CLEC11A: variants seen among roughly 807,000 people sequenced by gnomAD.
CLEC11A encodes C-type lectin domain containing 11A, also known as C-type lectin domain family 11 member A.
In CLEC11A, 35 loss-of-function variants were observed where a neutral mutation model predicts 33.9. The observed-to-expected ratio is 1.03, with a 90% CI of 0.79 to 1.37. The LOEUF is 1.37. Ranked by LOEUF, CLEC11A falls within the 40% of genes most tolerant of loss-of-function variation. The pLI is 0.00. For synonymous variants in CLEC11A, 220 were observed against 202.2 expected (o/e 1.09, Z -0.75); for missense variants, 519 against 455.5 (o/e 1.14, Z -1.27).
rs752036565 is a variant in CLEC11A, at chr19:50,724,569, G to A, written c.494G>A (p.Gly165Asp). 3.3e-4 allele frequency: 473 copies of A among 1,455,316 alleles called. 4 individuals are homozygous for A. The Middle Eastern group carries it at 7.6e-3, about 23-fold the overall frequency. 90.2% of individuals were successfully genotyped at this position (1,455,316 alleles called of 1,614,324 possible). A position where few individuals can be genotyped will look rare whatever the true frequency, so the allele number is the denominator to read the frequency against. The part of the protein sequence containing the change: ...DAVQALQEAQ[G>D]RAEREHGRLE... Reference sequence around the variant, plus strand: ...GTGCAAGCCCTGCAGGAGGCGCAGGGTCGCGCCGAGCGCGAGCACGGCCGC... The same window carrying A: ...GTGCAAGCCCTGCAGGAGGCGCAGGATCGCGCCGAGCGCGAGCACGGCCGC... Residue 165 changes from glycine to aspartate, a missense_variant, in exon 3 of 4, where the codon GGT (glycine) becomes GAT (aspartate). Coordinates refer to ENST00000250340, the MANE Select transcript of CLEC11A (RefSeq NM_002975.3). The surrounding 1 kb of genome is among the most constrained non-coding windows in gnomAD (Gnocchi z 4.1).
In CLEC11A at chr19:50,725,577, C is replaced by T; in HGVS notation, c.*110C>T. The T allele has an allele frequency of 6.9e-7, 1 of 1,444,718 alleles. No homozygotes were observed. The highest frequency in any genetic ancestry group is 9.1e-7 in the Non-Finnish European group (1 of 1,095,648). The allele number at this position is 1,444,718 out of a possible 1,614,324, so 89.5% of individuals were successfully genotyped here. A position where few individuals can be genotyped will look rare whatever the true frequency, so the allele number is the denominator to read the frequency against. On this transcript the variant is annotated 3_prime_UTR_variant, in exon 4 of 4. Transcript: ENST00000250340. ...CCTTCCTGGCCACGAATGGCAGCGT[C>T]CTCCCCGACCCCCAGTCTGGGCGCT...
chr19:50,724,311 C>G lies in CLEC11A; in HGVS notation c.335-99C>G, dbSNP rs1431659334. Reference sequence around the variant, plus strand: ...GTCCGGGGTGCCCCCCCCACCGCCACCCCGCCCTCAGGAGCCCTAGATCCC... The same window carrying G: ...GTCCGGGGTGCCCCCCCCACCGCCAGCCCGCCCTCAGGAGCCCTAGATCCC... On this transcript the variant is annotated intron_variant, in intron 2 of 3. Transcript: ENST00000250340. This position sits in a 1 kb window ranked among gnomAD's most constrained non-coding sequence, Gnocchi z 4.1. 4 of 1,126,092 alleles carry G rather than the reference C, an allele frequency of 3.6e-6. No individual in the cohort carries two copies. Among genetic ancestry groups the G allele is most frequent in the Middle Eastern group, 6.0e-4 (2 of 3,332 alleles). The allele number at this position is 1,126,092 out of a possible 1,614,324, so 69.8% of individuals were successfully genotyped here.
chr19:50,725,106 G>A lies in CLEC11A; in HGVS notation c.611G>A (p.Cys204Tyr). ...FEAQAAAQAR[C>Y]TARGGSLAQP... Reference sequence around the variant, plus strand: ...GCTCAGGCGGCGGCGCAGGCGCGGTGCACGGCGCGGGGCGGGAGCCTGGCG... The same window carrying A: ...GCTCAGGCGGCGGCGCAGGCGCGGTACACGGCGCGGGGCGGGAGCCTGGCG... The change falls in exon 4 of 4, where the codon TGC (cysteine) becomes TAC (tyrosine). Residue 204 changes from cysteine to tyrosine, a missense_variant. Cys to Tyr is a radical substitution (Grantham distance 194). Coordinates refer to ENST00000250340, the MANE Select transcript of CLEC11A (RefSeq NM_002975.3). The A allele has an allele frequency of 6.5e-7, 1 of 1,533,474 alleles. No individual in the cohort carries two copies. Among genetic ancestry groups the A allele is most frequent in the Non-Finnish European group, 8.8e-7 (1 of 1,141,416 alleles). The allele number at this position is 1,533,474 out of a possible 1,614,324, so 95.0% of individuals were successfully genotyped here. A position where few individuals can be genotyped will look rare whatever the true frequency, so the allele number is the denominator to read the frequency against.
chr19:50,724,321 A>G lies in CLEC11A; in HGVS notation c.335-89A>G, dbSNP rs1186342252. The G allele has an allele frequency of 1.7e-5, 16 of 955,696 alleles. No individual in the cohort carries two copies. The highest frequency in any genetic ancestry group is 3.9e-5 in the African/African-American group (2 of 51,618). The allele number at this position is 955,696 out of a possible 1,614,324, so 59.2% of individuals were successfully genotyped here. On this transcript the variant is annotated intron_variant, in intron 2 of 3. Transcript: ENST00000250340. The surrounding 1 kb of genome is among the most constrained non-coding windows in gnomAD (Gnocchi z 4.1). ...CCCCCCCCACCGCCACCCCGCCCTC[A>G]GGAGCCCTAGATCCCAGTTCTCCAG... is the stretch of plus-strand genomic sequence containing the variant.
chr19:50,724,263 C>T lies in CLEC11A; in HGVS notation c.335-147C>T. The T allele has an allele frequency of 1.6e-6, 2 of 1,247,330 alleles. No individual in the cohort carries two copies. Among genetic ancestry groups the T allele is most frequent in the Non-Finnish European group, 2.2e-6 (2 of 919,724 alleles). The allele number at this position is 1,247,330 out of a possible 1,614,324, so 77.3% of individuals were successfully genotyped here. On this transcript the variant is annotated intron_variant, in intron 2 of 3. Coordinates refer to ENST00000250340, the MANE Select transcript of CLEC11A (RefSeq NM_002975.3). This position sits in a 1 kb window ranked among gnomAD's most constrained non-coding sequence, Gnocchi z 4.1. ...CGGCCATGCCTCCTAAAGGCCTGGGCCACTCGACCCTACCTTCCAGGAGTC... is the reference window on the plus strand; with the variant it reads ...CGGCCATGCCTCCTAAAGGCCTGGGTCACTCGACCCTACCTTCCAGGAGTC...
In CLEC11A at chr19:50,724,630, A is replaced by T; in HGVS notation, c.526+29A>T. Reference sequence around the variant, plus strand: ...AGTCCGCGGCGCGCGGGGTGGAAAAAAATGAGACTATCTGGGCCAGGAATG... The same window carrying T: ...AGTCCGCGGCGCGCGGGGTGGAAAATAATGAGACTATCTGGGCCAGGAATG... On this transcript the variant is annotated intron_variant, in intron 3 of 3. Transcript: ENST00000250340. The surrounding 1 kb of genome is among the most constrained non-coding windows in gnomAD (Gnocchi z 4.1). 1 of 1,385,898 alleles carries T rather than the reference A, an allele frequency of 7.2e-7. No individual in the cohort carries two copies. The highest frequency in any genetic ancestry group is 9.3e-7 in the Non-Finnish European group (1 of 1,073,772). 85.9% of individuals were successfully genotyped at this position (1,385,898 alleles called of 1,614,324 possible).
In CLEC11A at chr19:50,723,594, G is replaced by C; in HGVS notation, c.69G>C (p.Arg23=). The C allele has an allele frequency of 2.5e-6, 4 of 1,612,020 alleles. No homozygotes were observed. Among genetic ancestry groups the C allele is most frequent in the Non-Finnish European group, 3.4e-6 (4 of 1,179,806 alleles). ...PQLLGFGHGA[R]GAEREWEGGW... ...TCTTGGGCTTTGGCCATGGGGCTCG[G>C]GGAGCAGAGAGGGAGTGGGAGGGAG... Residue 23 remains arginine, a synonymous_variant, in exon 1 of 4, where the codon CGG becomes CGC. Coordinates refer to ENST00000250340, the MANE Select transcript of CLEC11A (RefSeq NM_002975.3). The surrounding 1 kb of genome is among the most constrained non-coding windows in gnomAD (Gnocchi z 4.1).
At position 50,724,890 on chromosome 19, in the gene CLEC11A, C is replaced by G. The variant is rs559574334; in HGVS notation, c.527-132C>G. The G allele has an allele frequency of 2.1e-4, 293 of 1,409,436 alleles. No individual in the cohort carries two copies. The Middle Eastern group carries it at 2.5e-3, about 12-fold the overall frequency. 87.3% of individuals were successfully genotyped at this position (1,409,436 alleles called of 1,614,324 possible). A position where few individuals can be genotyped will look rare whatever the true frequency, so the allele number is the denominator to read the frequency against. ...CACCTCCTGGCTCCCGCGGTTCTGA[C>G]CACGCCTCCTCCCAGCCCTCCCCAT... On this transcript the variant is annotated intron_variant, in intron 3 of 3. Coordinates refer to ENST00000250340, the MANE Select transcript of CLEC11A (RefSeq NM_002975.3). This position sits in a 1 kb window ranked among gnomAD's most constrained non-coding sequence, Gnocchi z 4.1.
rs2089170205 is a variant in CLEC11A at position 50,724,745 on chromosome 19, A to C, written c.526+144A>C. 5 of 1,184,454 alleles carry C rather than the reference A, an allele frequency of 4.2e-6. No individual in the cohort carries two copies. In the East Asian group the frequency reaches 1.5e-4, roughly 35 times the overall value. 73.4% of individuals were successfully genotyped at this position (1,184,454 alleles called of 1,614,324 possible). On this transcript the variant is annotated intron_variant, in intron 3 of 3. Transcript: ENST00000250340. This position sits in a 1 kb window ranked among gnomAD's most constrained non-coding sequence, Gnocchi z 4.1. The stretch of plus-strand genomic sequence containing the variant: ...TAGCGGACGGGGTTAGAGAGCTGGG[A>C]GGCTGAATGCAGGGAGCGGGTGGGC...
Position 50,723,428 on chromosome 19 carries a change from T to G in CLEC11A, c.-98T>G. 2.3e-6 allele frequency: 3 copies of G among 1,313,690 alleles called. No homozygotes were observed. The highest frequency in any genetic ancestry group is 3.2e-6 in the Non-Finnish European group (3 of 923,766). The allele number at this position is 1,313,690 out of a possible 1,614,324, so 81.4% of individuals were successfully genotyped here. A position where few individuals can be genotyped will look rare whatever the true frequency, so the allele number is the denominator to read the frequency against. ...ATCGGGAACCTGGGGGCTAGTGACC[T>G]GCACACAGGGCAGGGGCACTCGGCA... On this transcript the variant is annotated 5_prime_UTR_variant, in exon 1 of 4. Coordinates refer to ENST00000250340, the MANE Select transcript of CLEC11A (RefSeq NM_002975.3). The surrounding 1 kb of genome is among the most constrained non-coding windows in gnomAD (Gnocchi z 4.1).
rs750066271 is a variant in CLEC11A, at chr19:50,725,475, G to A, written c.*8G>A. The A allele has an allele frequency of 1.3e-6, 2 of 1,581,188 alleles. No homozygotes were observed. Among genetic ancestry groups the A allele is most frequent in the Non-Finnish European group, 1.7e-6 (2 of 1,160,886 alleles). Reference sequence around the variant, plus strand: ...TGCGAGTTCCCCTTCTAGCGGGGCCGGTACCCCGCCTCCCTGCCCATCCCA... The same window carrying A: ...TGCGAGTTCCCCTTCTAGCGGGGCCAGTACCCCGCCTCCCTGCCCATCCCA... On this transcript the variant is annotated 3_prime_UTR_variant, in exon 4 of 4. Transcript: ENST00000250340.
chr19:50,724,737 G>C lies in CLEC11A; in HGVS notation c.526+136G>C, dbSNP rs536734273. The stretch of plus-strand genomic sequence containing the variant: ...CTGTGTGCTAGCGGACGGGGTTAGA[G>C]AGCTGGGAGGCTGAATGCAGGGAGC... On this transcript the variant is annotated intron_variant, in intron 3 of 3. Transcript: ENST00000250340. The surrounding 1 kb of genome is among the most constrained non-coding windows in gnomAD (Gnocchi z 4.1). The C allele has an allele frequency of 9.5e-5, 114 of 1,198,432 alleles. No homozygotes were observed. The South Asian group carries it at 1.9e-3, about 20-fold the overall frequency. The allele number at this position is 1,198,432 out of a possible 1,614,324, so 74.2% of individuals were successfully genotyped here.
chr19:50,724,907 C>A lies in CLEC11A; in HGVS notation c.527-115C>A, dbSNP rs1271604600. The A allele has an allele frequency of 3.6e-5, 51 of 1,413,692 alleles. No individual in the cohort carries two copies. Among genetic ancestry groups the A allele is most frequent in the Non-Finnish European group, 4.6e-5 (50 of 1,090,102 alleles). 87.6% of individuals were successfully genotyped at this position (1,413,692 alleles called of 1,614,324 possible). Reference sequence around the variant, plus strand: ...GGTTCTGACCACGCCTCCTCCCAGCCCTCCCCATGAGTTCCTGGCCCCGCC... The same window carrying A: ...GGTTCTGACCACGCCTCCTCCCAGCACTCCCCATGAGTTCCTGGCCCCGCC... On this transcript the variant is annotated intron_variant, in intron 3 of 3. Transcript: ENST00000250340. The surrounding 1 kb of genome is among the most constrained non-coding windows in gnomAD (Gnocchi z 4.1).
rs1166577096 is a variant in CLEC11A at position 50,723,569 on chromosome 19, T to C, written c.44T>C (p.Leu15Pro). Residue 15 changes from leucine to proline, a missense_variant, in exon 1 of 4, where the codon CTC becomes CCC. By Grantham distance (98) the Leu-to-Pro change is moderately conservative. Coordinates refer to ENST00000250340, the MANE Select transcript of CLEC11A (RefSeq NM_002975.3). The surrounding 1 kb of genome is among the most constrained non-coding windows in gnomAD (Gnocchi z 4.1). ...TTGGGGGCTTTGGTGGTCCCCCAGC[T>C]CTTGGGCTTTGGCCATGGGGCTCGG... ...WLLGALVVPQ[L>P]LGFGHGARGA... The C allele has an allele frequency of 6.2e-7, 1 of 1,612,188 alleles. No homozygotes were observed. Among genetic ancestry groups the C allele is most frequent in the Non-Finnish European group, 8.5e-7 (1 of 1,179,964 alleles).
At position 50,724,487 on chromosome 19, in the gene CLEC11A, G is replaced by A. The variant is rs756249408; in HGVS notation, c.412G>A (p.Glu138Lys). ...RLHALDTRVV[E>K]LTQGLRQLRN... Reference sequence around the variant, plus strand: ...GCACGCGTTGGACACCCGCGTGGTCGAGCTGACCCAGGGGCTGCGGCAGCT... The same window carrying A: ...GCACGCGTTGGACACCCGCGTGGTCAAGCTGACCCAGGGGCTGCGGCAGCT... Residue 138 changes from glutamate to lysine, a missense_variant, in exon 3 of 4, where the codon GAG (glutamate) becomes AAG (lysine). Transcript: ENST00000250340. This position sits in a 1 kb window ranked among gnomAD's most constrained non-coding sequence, Gnocchi z 4.1. The A allele has an allele frequency of 8.2e-6, 13 of 1,578,418 alleles. No individual in the cohort carries two copies. The African/African-American group carries it at 1.6e-4, about 20-fold the overall frequency.
In CLEC11A at chr19:50,724,324, A is replaced by T; in HGVS notation, c.335-86A>T. 7.1e-6 allele frequency: 4 copies of T among 565,192 alleles called. No homozygotes were observed. The highest frequency in any genetic ancestry group is 3.7e-5 in the Admixed American group (1 of 27,116). 35.0% of individuals were successfully genotyped at this position (565,192 alleles called of 1,614,324 possible). ...CCCCCACCGCCACCCCGCCCTCAGGAGCCCTAGATCCCAGTTCTCCAGGTC... is the reference window on the plus strand; with the variant it reads ...CCCCCACCGCCACCCCGCCCTCAGGTGCCCTAGATCCCAGTTCTCCAGGTC... On this transcript the variant is annotated intron_variant, in intron 2 of 3. Transcript: ENST00000250340. This position sits in a 1 kb window ranked among gnomAD's most constrained non-coding sequence, Gnocchi z 4.1.
rs540666028 is a variant in CLEC11A at position 50,724,877 on chromosome 19, C to T, written c.527-145C>T. 35 of 1,404,572 alleles carry T rather than the reference C, an allele frequency of 2.5e-5. No homozygotes were observed. The highest frequency in any genetic ancestry group is 3.2e-5 in the Non-Finnish European group (35 of 1,086,888). 87.0% of individuals were successfully genotyped at this position (1,404,572 alleles called of 1,614,324 possible). A position where few individuals can be genotyped will look rare whatever the true frequency, so the allele number is the denominator to read the frequency against. ...GGACCAGACTCTCCACCTCCTGGCTCCCGCGGTTCTGACCACGCCTCCTCC... is the reference window on the plus strand; with the variant it reads ...GGACCAGACTCTCCACCTCCTGGCTTCCGCGGTTCTGACCACGCCTCCTCC... On this transcript the variant is annotated intron_variant, in intron 3 of 3. Transcript: ENST00000250340. This position sits in a 1 kb window ranked among gnomAD's most constrained non-coding sequence, Gnocchi z 4.1.
rs2089176347 is a variant in CLEC11A at position 50,725,173 on chromosome 19, C to T, written c.678C>T (p.Tyr226=). ...DRQQMEALTR[Y]LRAALAPYNW... ...AGCAGATGGAGGCGCTCACTCGGTACCTGCGCGCGGCGCTCGCTCCCTACA... is the reference window on the plus strand; with the variant it reads ...AGCAGATGGAGGCGCTCACTCGGTATCTGCGCGCGGCGCTCGCTCCCTACA... The change falls in exon 4 of 4, where the codon TAC becomes TAT. Residue 226 remains tyrosine (Y), a synonymous_variant. Coordinates refer to ENST00000250340, the MANE Select transcript of CLEC11A (RefSeq NM_002975.3). 4 of 1,577,472 alleles carry T rather than the reference C, an allele frequency of 2.5e-6. No individual in the cohort carries two copies. Among genetic ancestry groups the T allele is most frequent in the Middle Eastern group, 1.7e-4 (1 of 6,006 alleles).
Position 50,724,367 on chromosome 19 carries a change from A to G in CLEC11A, c.335-43A>G. 7.3e-7 allele frequency: 1 copy of G among 1,375,254 alleles called. No homozygotes were observed. Among genetic ancestry groups the G allele is most frequent in the Middle Eastern group, 2.8e-4 (1 of 3,620 alleles). 85.2% of individuals were successfully genotyped at this position (1,375,254 alleles called of 1,614,324 possible). On this transcript the variant is annotated intron_variant, in intron 2 of 3. Coordinates refer to ENST00000250340, the MANE Select transcript of CLEC11A (RefSeq NM_002975.3). This position sits in a 1 kb window ranked among gnomAD's most constrained non-coding sequence, Gnocchi z 4.1. ...TCCAGGTCCTCAGGCCCCCCGCTGC[A>G]TCTCCAGGCTCCCCCTCCAGCATGA... is the stretch of plus-strand genomic sequence containing the variant.
Sources: gnomAD v4.1 joint callset for allele counts on GRCh38, gnomAD v4.1.1 for gene constraint, Gnocchi (gnomAD v3.1) non-coding constraint, MANE v1.5 for transcripts, NCBI Gene and HGNC (gene_info 2026-07-23, HGNC 2026-07-21) for gene names.